The following MAML2 variants were observed in gnomAD, a reference collection of about 807,000 sequenced individuals.
The protein encoded by MAML2 is mastermind-like protein 2.
Under a neutral mutation model 96.1 loss-of-function variants are expected in MAML2, and 22 were observed. The observed-to-expected ratio is 0.23, with a 90% CI of 0.16 to 0.33. The LOEUF is 0.33. Among genes scored for constraint, MAML2 ranks in the 10% least tolerant of loss-of-function variants. The pLI is 1.00. For synonymous variants in MAML2, 561 were observed against 521.3 expected, an observed-to-expected ratio of 1.08 and a Z score of -1.04; for missense variants, 1,367 against 1,392.4, an observed-to-expected ratio of 0.98 and a Z score of 0.29.
Position 95,978,360 on chromosome 11 carries a change from A to G in MAML2, c.*588T>C, listed in dbSNP as rs1857680496. On this transcript the variant is annotated 3_prime_UTR_variant, in exon 5 of 5. Coordinates refer to ENST00000524717, the MANE Select transcript of MAML2 (RefSeq NM_032427.4). ...GGAAAATTGTAAAAGTGAGGAGTGAATATGGGGAAGAAATTCTGTAATCCA... is the reference window on the plus strand; with the variant it reads ...GGAAAATTGTAAAAGTGAGGAGTGAGTATGGGGAAGAAATTCTGTAATCCA... The G allele has an allele frequency of 5.1e-6, 1 of 197,242 alleles. No individual in the cohort carries two copies. The highest frequency in any genetic ancestry group is 1.9e-4 in the South Asian group (1 of 5,218). The allele number at this position is 197,242 out of a possible 1,614,324, so 12.2% of individuals were successfully genotyped here.
At chr11:96,079,815 A>G (rs1859503961) in intron 2 of MAML2, among the ~76,000 whole-genome samples, 1 of 152,340 alleles carries the variant, frequency 6.6e-6, no homozygotes, top group South Asian at 2.1e-4. Context: ...GATCAAGGAA[A>G]GGAGTGAAGA....
chr11:96,329,409 T>C (rs1863826314), intron 1 of MAML2, among the ~76,000 whole-genome samples: 1 of 152,204 alleles, frequency 6.6e-6, no homozygotes, highest in Non-Finnish European at 1.5e-5. Context: ...CCCTCCTTAC[T>C]GCTACAAAAC....
chr11:96,199,782 A>C (rs1385598636), intron 1 of MAML2, among the ~76,000 whole-genome samples: 1 of 152,234 alleles, frequency 6.6e-6, no homozygotes, highest in Non-Finnish European at 1.5e-5. Flanking sequence ...GTGAATATGC[A>C]TCAGAGGAAA....
chr11:96,228,157 C>T (rs188582439), intron 1 of MAML2, among the ~76,000 whole-genome samples: 4 of 152,258 alleles, frequency 2.6e-5, no homozygotes, highest in Admixed American at 2.0e-4. Flanking sequence ...AGAGAAAGTA[C>T]TGATTGAGTC....
chr11:96,212,158 G>T lies in MAML2; in HGVS notation c.514-118641C>A, dbSNP rs140133074. 4.0e-3 allele frequency among the ~76,000 whole-genome samples: 565 copies of T among 141,950 alleles called. 16 individuals are homozygous for T. Among genetic ancestry groups the T allele is most frequent in the East Asian group, 0.028 (132 of 4,638 alleles). The allele number at this position is 141,950 out of a possible 152,430, so 93.1% of individuals were successfully genotyped here. On this transcript the variant is annotated intron_variant, in intron 1 of 4. Transcript: ENST00000524717. ...GTGTGTGTGTGTGTGTGTGGAAGGGGGACTCGTAATCTCATTTGTGGATAC... is the reference window on the plus strand; with the variant it reads ...GTGTGTGTGTGTGTGTGTGGAAGGGTGACTCGTAATCTCATTTGTGGATAC...
intron 1 of MAML2, among the ~76,000 whole-genome samples, chr11:96,339,982 G>A (rs1024406501): frequency 6.6e-6 from 1 of 152,224 alleles, no homozygotes; most frequent in Non-Finnish European, 1.5e-5. Context: ...ACCCTGTGCA[G>A]TTTAACTGTT....
intron 2 of MAML2, among the ~76,000 whole-genome samples, chr11:96,080,106 T>C (rs1016740595): frequency 5.3e-5 from 8 of 152,250 alleles, no homozygotes; most frequent in African/African-American, 1.9e-4. Context: ...AAATACTATT[T>C]ATCCCTTCAT....
chr11:96,197,593 C>G (rs1861750157), intron 1 of MAML2, among the ~76,000 whole-genome samples: 1 of 152,204 alleles, frequency 6.6e-6, no homozygotes, highest in South Asian at 2.1e-4. Flanking sequence ...TAACCTGTAT[C>G]TCCCTTCAGC....
intron 1 of MAML2, among the ~76,000 whole-genome samples, chr11:96,184,862 G>A (rs915088347): frequency 1.3e-5 from 2 of 152,062 alleles, no homozygotes; most frequent in Admixed American, 1.3e-4. Context: ...CCAAAGTGCT[G>A]GGATTACAGG....
chr11:96,229,381 G>T (rs1274514653), intron 1 of MAML2, among the ~76,000 whole-genome samples: 1 of 151,408 alleles, frequency 6.6e-6, no homozygotes. Flanking sequence ...CAATTGGTGA[G>T]ATCCTGCAGA....
intron 1 of MAML2, among the ~76,000 whole-genome samples, chr11:96,185,314 C>T (rs1022012900): frequency 6.6e-6 from 1 of 152,156 alleles, no homozygotes; most frequent in African/African-American, 2.4e-5. Flanking sequence ...AACCAGTCTG[C>T]TTTCTCTCAG....
At chr11:96,317,443 C>G (rs974987313) in intron 1 of MAML2, among the ~76,000 whole-genome samples, 5 of 152,088 alleles carry the variant, frequency 3.3e-5, no homozygotes, top group African/African-American at 1.2e-4. Flanking sequence ...AGTAGAGGCC[C>G]GGGAAATTAT....
chr11:96,047,910 CAAAAAAA>C (rs71459784), intron 2 of MAML2, among the ~76,000 whole-genome samples: 3 of 82,476 alleles, frequency 3.6e-5, no homozygotes, highest in Non-Finnish European at 7.3e-5. Flanking sequence ...GACTCTGCCT[CAAAAAAA>C]AAAAAAAAAA....
chr11:96,324,357 A>T (rs523362), intron 1 of MAML2, among the ~76,000 whole-genome samples: 62,960 of 152,058 alleles, frequency 0.41, 13,738 homozygotes, highest in African/African-American at 0.57. Flanking sequence ...GAAGAGTGCC[A>T]AACATGATAA....
Position 95,979,369 on chromosome 11 carries a change from G to C in MAML2, c.3050C>G (p.Pro1017Arg). ...TTGCACTGCTGGTGTTAACTGGTTA[G>C]GAGGAGCCACTGCCCTCTGGGAAAA... ...QQFSQRAVAP[P>R]NQLTPAVQMR... Residue 1017 changes from proline to arginine, a missense_variant, in exon 5 of 5, where the codon CCT becomes CGT. Transcript: ENST00000524717. The C allele has an allele frequency of 6.2e-7, 1 of 1,613,764 alleles. No individual in the cohort carries two copies. Among genetic ancestry groups the C allele is most frequent in the Non-Finnish European group, 8.5e-7 (1 of 1,179,810 alleles).
At chr11:96,029,162 C>T (rs1045755357) in intron 2 of MAML2, among the ~76,000 whole-genome samples, 24 of 93,280 alleles carry the variant, frequency 2.6e-4, no homozygotes, top group South Asian at 6.5e-4. Context: ...AAGAGTGAAA[C>T]GGTTTTTTTT....
At chr11:96,069,262 C>G (rs1304869464) in intron 2 of MAML2, among the ~76,000 whole-genome samples, 1 of 151,790 alleles carries the variant, frequency 6.6e-6, no homozygotes, top group Non-Finnish European at 1.5e-5. Context: ...CTCCCTTCCT[C>G]CCTTCCTCTC....
At chr11:96,061,463 A>G (rs961647017) in intron 2 of MAML2, among the ~76,000 whole-genome samples, 1 of 152,240 alleles carries the variant, frequency 6.6e-6, no homozygotes, top group African/African-American at 2.4e-5. Flanking sequence ...AGAGGAAAAT[A>G]TAAAGGTGAA....
At chr11:96,143,825 G>A (rs1159986925) in intron 1 of MAML2, among the ~76,000 whole-genome samples, 3 of 152,194 alleles carry the variant, frequency 2.0e-5, no homozygotes, top group Non-Finnish European at 4.4e-5. Flanking sequence ...ACTTGAACTG[G>A]ATTTCATGGG....
Sources: gnomAD v4.1 joint callset for allele counts (sites outside exome capture counted in the v4.1 genomes callset) on GRCh38, gnomAD v4.1.1 for gene constraint, MANE v1.5 for transcripts, NCBI Gene and HGNC (gene_info 2026-07-23, HGNC 2026-07-21) for gene names.